Variants in NOS1AP observed in about 807,000 individuals in gnomAD.
NOS1AP encodes the protein carboxyl-terminal PDZ ligand of neuronal nitric oxide synthase protein.
A neutral mutation model predicts 56.2 loss-of-function variants in NOS1AP; 21 were observed. That is an observed-to-expected ratio of 0.37 (90% CI 0.26 to 0.54). NOS1AP has a LOEUF of 0.54. Ranked by LOEUF, NOS1AP falls within the 20% of genes least tolerant of loss-of-function variation. The pLI, the probability that NOS1AP is intolerant of heterozygous loss-of-function variation, is 0.84. For missense variants in NOS1AP, 522 were observed against 657.8 expected, an observed-to-expected ratio of 0.79 and a Z score of 2.26; for synonymous variants, 270 against 274.6, an observed-to-expected ratio of 0.98 and a Z score of 0.17.
At chr1:162,097,179 A>C (rs563075011) in intron 1 of NOS1AP, among the ~76,000 whole-genome samples, 1 of 149,720 alleles carries the variant, frequency 6.7e-6, no homozygotes, top group African/African-American at 2.4e-5. Flanking sequence ...ATCAGTTTCT[A>C]TGTGTATTGG....
At chr1:162,339,704 G>A (rs1251096901) in intron 5 of NOS1AP, among the ~76,000 whole-genome samples, 2 of 152,182 alleles carry the variant, frequency 1.3e-5, no homozygotes, top group African/African-American at 2.4e-5. Context: ...AAATCCCAGC[G>A]TGTGTGATTC....
chr1:162,136,086 C>T (rs1648989838), intron 1 of NOS1AP, among the ~76,000 whole-genome samples: 1 of 152,018 alleles, frequency 6.6e-6, no homozygotes, highest in Non-Finnish European at 1.5e-5. Context: ...TAAAAATGGC[C>T]TCAACAAATG....
chr1:162,177,864 A>G (rs1210913192), intron 2 of NOS1AP, among the ~76,000 whole-genome samples: 2 of 152,174 alleles, frequency 1.3e-5, no homozygotes, highest in Non-Finnish European at 2.9e-5. Flanking sequence ...CTCAGAGTTC[A>G]TAATTGACAT....
At chr1:162,267,214 A>G (rs1471542538) in intron 2 of NOS1AP, among the ~76,000 whole-genome samples, 4 of 152,202 alleles carry the variant, frequency 2.6e-5, no homozygotes, top group African/African-American at 9.6e-5. Flanking sequence ...TAAGATAATT[A>G]TCTATCTCCA....
At chr1:162,255,490 A>ATTTTTTTTTTTTTTTTTTTTTTTTTTTTT (rs35637289) in intron 2 of NOS1AP, among the ~76,000 whole-genome samples, 9 of 60,996 alleles carry the variant, frequency 1.5e-4, no homozygotes, top group African/African-American at 2.0e-4. Context: ...GCTGCTGCTG[A>ATTTTTTTTTTTTTTTTTTTTTTTTTTTTT]TTTTTTTTTT....
chr1:162,158,128 C>T (rs373293439), intron 2 of NOS1AP, among the ~76,000 whole-genome samples: 1 of 152,190 alleles, frequency 6.6e-6, no homozygotes. Context: ...AAAATGGACA[C>T]TCTATACCCA....
chr1:162,108,730 T>G (rs1647602488), intron 1 of NOS1AP, among the ~76,000 whole-genome samples: 1 of 151,686 alleles, frequency 6.6e-6, no homozygotes, highest in African/African-American at 2.4e-5. Flanking sequence ...AAAAAAGGAT[T>G]TATACAGGGG....
At chr1:162,321,601 G>A (rs1359549541) in intron 4 of NOS1AP, among the ~76,000 whole-genome samples, 1 of 151,884 alleles carries the variant, frequency 6.6e-6, no homozygotes, top group Non-Finnish European at 1.5e-5. Flanking sequence ...GATAGCATTA[G>A]GAGATATACC....
intron 1 of NOS1AP, among the ~76,000 whole-genome samples, chr1:162,146,880 T>G (rs1221364672): frequency 6.6e-6 from 1 of 152,188 alleles, no homozygotes; most frequent in Non-Finnish European, 1.5e-5. Flanking sequence ...ATTCACAGTT[T>G]ATATTGTGGT....
At chr1:162,179,801 C>T (rs746162714) in intron 2 of NOS1AP, among the ~76,000 whole-genome samples, 7 of 152,152 alleles carry the variant, frequency 4.6e-5, no homozygotes, top group Non-Finnish European at 1.0e-4. Flanking sequence ...GACTTGCCTG[C>T]TAAAAAGCTT....
chr1:162,289,210 T>TCC lies in NOS1AP; in HGVS notation c.270+1774_270+1775insCC, dbSNP rs1655189365. ...GCCTTTCTTTCCTTCCTTCCTTCCT[T>TCC]TCCTTCCTTCCTTCCTTCCTTCCTT... On this transcript the variant is annotated intron_variant, in intron 3 of 9. Transcript: ENST00000361897. Among the ~76,000 whole-genome samples, 24 of 15,120 alleles carry TCC rather than the reference T, an allele frequency of 1.6e-3. 1 individual carries two copies. In the East Asian group the frequency reaches 0.034, roughly 21 times the overall value. The allele number at this position is 15,120 out of a possible 152,430, so 9.9% of individuals were successfully genotyped here. A position where few individuals can be genotyped will look rare whatever the true frequency, so the allele number is the denominator to read the frequency against.
At chr1:162,098,916 A>T (rs1479968333) in intron 1 of NOS1AP, among the ~76,000 whole-genome samples, 1 of 152,148 alleles carries the variant, frequency 6.6e-6, no homozygotes, top group Non-Finnish European at 1.5e-5. Flanking sequence ...TGTATCACTG[A>T]TGGGCATTTA....
At chr1:162,248,806 T>G (rs1291507390) in intron 2 of NOS1AP, among the ~76,000 whole-genome samples, 1 of 152,168 alleles carries the variant, frequency 6.6e-6, no homozygotes, top group Non-Finnish European at 1.5e-5. Context: ...CTTTGGAGAT[T>G]AGAGGTTTTG....
chr1:162,242,321 C>A (rs984426718), intron 2 of NOS1AP, among the ~76,000 whole-genome samples: 8 of 152,188 alleles, frequency 5.3e-5, no homozygotes, highest in African/African-American at 1.9e-4. Context: ...ATGCAGCCAA[C>A]AGAATGCAGT....
intron 1 of NOS1AP, among the ~76,000 whole-genome samples, chr1:162,127,090 T>G (rs913829958): frequency 2.0e-5 from 3 of 152,188 alleles, no homozygotes; most frequent in Non-Finnish European, 4.4e-5. Context: ...GTAAATCATC[T>G]GCTTATATCT....
chr1:162,119,472 T>A (rs1648110442), intron 1 of NOS1AP, among the ~76,000 whole-genome samples: 3 of 152,210 alleles, frequency 2.0e-5, no homozygotes. Context: ...AAATCTCTTT[T>A]GGGTTTACTC....
intron 4 of NOS1AP, 46 bp downstream of exon 4, chr1:162,300,752 C>T (rs752931721): frequency 6.5e-7 from 1 of 1,534,772 alleles, no homozygotes; most frequent in African/African-American, 1.4e-5. Context: ...GCCCCAGAGT[C>T]CTCCTGCCCC....
intron 2 of NOS1AP, among the ~76,000 whole-genome samples, chr1:162,234,713 A>G (rs1341059761): frequency 6.6e-6 from 1 of 152,180 alleles, no homozygotes; most frequent in African/African-American, 2.4e-5. Flanking sequence ...GGGTGCTGCC[A>G]TAACTCCTGA....
intron 2 of NOS1AP, among the ~76,000 whole-genome samples, chr1:162,260,958 CCT>C (rs1654190900): frequency 1.3e-4 from 18 of 143,278 alleles, no homozygotes; most frequent in Admixed American, 9.5e-4. Context: ...GAGATGATTT[CCT>C]CAAAGTTTCA....
Sources: gnomAD v4.1 joint callset for allele counts (sites outside exome capture counted in the v4.1 genomes callset) on GRCh38, gnomAD v4.1.1 for gene constraint, MANE v1.5 for transcripts, NCBI Gene and HGNC (gene_info 2026-07-23, HGNC 2026-07-21) for gene names.